The following EGF variants were observed in gnomAD, a reference collection of about 807,000 sequenced individuals.
EGF encodes epidermal growth factor, also known as pro-epidermal growth factor.
In EGF, 95 loss-of-function variants were observed where a neutral mutation model predicts 143.8. The ratio of observed to expected loss-of-function variants is 0.66; its 90% CI spans 0.56 to 0.78. The LOEUF (loss-of-function observed/expected upper bound fraction) is 0.78, where lower values mean the gene tolerates loss of function less well. Ranked by LOEUF, EGF falls within the 30% of genes least tolerant of loss-of-function variation. The probability of loss-of-function intolerance (pLI) is 0.00; values close to 1 mark genes in which losing one functional copy is unlikely to be tolerated. For missense variants in EGF, 1,320 were observed against 1,470.9 expected, an observed-to-expected ratio of 0.90 and a Z score of 1.68; for synonymous variants, 510 against 510.5, an observed-to-expected ratio of 1.00 and a Z score of 0.01.
chr4:109,952,621 T>C (rs1744128385), intron 5 of EGF, among the ~76,000 whole-genome samples: 1 of 152,224 alleles, frequency 6.6e-6, no homozygotes, highest in South Asian at 2.1e-4. Flanking sequence ...AAATTATTAG[T>C]TTAAACACAT....
intron 22 of EGF, among the ~76,000 whole-genome samples, chr4:110,006,502 C>T (rs993090532): frequency 6.6e-5 from 10 of 152,208 alleles, no homozygotes; most frequent in Non-Finnish European, 1.5e-5. Context: ...CTTTATCAGT[C>T]TTTATCAATT....
chr4:109,927,155 G>C (rs756277623), intron 1 of EGF, among the ~76,000 whole-genome samples: 5 of 152,090 alleles, frequency 3.3e-5, no homozygotes, highest in Non-Finnish European at 7.4e-5. Flanking sequence ...AATAATCGAG[G>C]GATGTAATTA....
chr4:109,980,783 C>A, intron 14 of EGF, 43 bp from the exon 15 acceptor site: 1 of 1,613,140 alleles, frequency 6.2e-7, no homozygotes, highest in Non-Finnish European at 8.5e-7. Flanking sequence ...GCATCCTTTT[C>A]ATCTTCAAAC....
At chr4:109,994,031 G>GTTTTT (rs369137893) in intron 19 of EGF, among the ~76,000 whole-genome samples, 38 of 140,780 alleles carry the variant, frequency 2.7e-4, no homozygotes, top group African/African-American at 9.8e-4. Context: ...CTTGGTCTCT[G>GTTTTT]TTTTTTTTTT....
At chr4:109,937,782 G>T (rs748170095) in intron 1 of EGF, among the ~76,000 whole-genome samples, 25 of 152,268 alleles carry the variant, frequency 1.6e-4, no homozygotes, top group African/African-American at 4.8e-4. Flanking sequence ...AGCTTAGTTT[G>T]TCTGGATATG....
intron 11 of EGF, among the ~76,000 whole-genome samples, chr4:109,970,005 G>A (rs1413001445): frequency 4.6e-5 from 7 of 152,152 alleles, no homozygotes; most frequent in Admixed American, 2.0e-4. Context: ...AAGCATGAAG[G>A]AGGGAGGAGA....
intron 18 of EGF, among the ~76,000 whole-genome samples, chr4:109,990,076 A>C (rs899650583): frequency 6.6e-6 from 1 of 152,178 alleles, no homozygotes; most frequent in Non-Finnish European, 1.5e-5. Context: ...TGCTTTGGAA[A>C]AGCTCTCTCT....
chr4:109,944,115 T>A (rs10470911), intron 4 of EGF, 46 bp downstream of exon 4: 1 of 1,558,084 alleles, frequency 6.4e-7, no homozygotes, highest in South Asian at 1.1e-5. Context: ...TCATTTGAAG[T>A]CCACAAGATA....
intron 20 of EGF, 90 bp from the exon 21 acceptor site, chr4:109,999,589 A>T: frequency 6.6e-7 from 1 of 1,518,810 alleles, no homozygotes; most frequent in African/African-American, 1.4e-5. Context: ...GGAAATGCAG[A>T]GGTTGAGAGA....
chr4:109,922,429 T>C (rs1737965053), intron 1 of EGF, among the ~76,000 whole-genome samples: 1 of 151,748 alleles, frequency 6.6e-6, no homozygotes, highest in African/African-American at 2.4e-5. Context: ...CATGTTGTCT[T>C]CTGAGACAGG....
chr4:110,006,546 A>C (rs1413120885), intron 22 of EGF, among the ~76,000 whole-genome samples: 1 of 152,150 alleles, frequency 6.6e-6, no homozygotes, highest in Non-Finnish European at 1.5e-5. Context: ...TAAGCTCTAG[A>C]ATGTGTTGGT....
intron 5 of EGF, among the ~76,000 whole-genome samples, chr4:109,956,565 T>G (rs1346161861): frequency 1.3e-5 from 2 of 152,220 alleles, no homozygotes; most frequent in East Asian, 3.8e-4. Flanking sequence ...CTAATTTTAG[T>G]CATTTACTTT....
At chr4:109,974,104 G>C (rs1226570183) in intron 11 of EGF, among the ~76,000 whole-genome samples, 1 of 152,182 alleles carries the variant, frequency 6.6e-6, no homozygotes, top group Non-Finnish European at 1.5e-5. Flanking sequence ...ATCTAGAGAT[G>C]ATTTAAAGTG....
intron 2 of EGF, 47 bp downstream of exon 2, chr4:109,941,192 G>A: frequency 6.5e-7 from 1 of 1,533,510 alleles, no homozygotes; most frequent in Non-Finnish European, 9.0e-7. Flanking sequence ...TGTACAGGCT[G>A]ACAAATATAA....
At chr4:109,972,974 G>A (rs558702925) in intron 11 of EGF, among the ~76,000 whole-genome samples, 3 of 152,318 alleles carry the variant, frequency 2.0e-5, no homozygotes, top group Admixed American at 2.0e-4. Flanking sequence ...TCAAGAGCAA[G>A]GTGAGAGGCC....
In EGF at chr4:109,927,593, G is replaced by A. The variant is rs554576640; in HGVS notation, c.128-13353G>A. The stretch of plus-strand genomic sequence containing the variant: ...CAAAAAATTAGTTGGGCGTGGTGGC[G>A]GGCGCTTGTGGTCCCAGCTACTCGG... On this transcript the variant is annotated intron_variant, in intron 1 of 23. Coordinates refer to ENST00000265171, the MANE Select transcript of EGF (RefSeq NM_001963.6). 7.2e-5 allele frequency among the ~76,000 whole-genome samples: 11 copies of A among 151,888 alleles called. No homozygotes were observed. The East Asian group carries it at 1.2e-3, about 16-fold the overall frequency.
At chr4:109,999,625 A>C in intron 20 of EGF, 54 bp from the exon 21 acceptor site, 1 of 1,610,336 alleles carries the variant, frequency 6.2e-7, no homozygotes, top group Non-Finnish European at 8.5e-7. Flanking sequence ...TGTCAAAACT[A>C]TCAGCGTTTT....
rs962299408 is a variant in EGF, at chr4:109,959,419, G to A, written c.1048G>A (p.Asp350Asn). Residue 350 changes from aspartate (D) to asparagine (N), a missense_variant, in exon 6 of 24, where the codon GAC (aspartate) becomes AAC (asparagine). By Grantham distance (23) the Asp-to-Asn change is conservative. Around this residue, in one of 5 missense-constraint regions of EGF, gnomAD observed 1,186 missense variants for 1,313.7 expected, o/e 0.90. Coordinates refer to ENST00000265171, the MANE Select transcript of EGF (RefSeq NM_001963.6). Reference sequence around the variant, plus strand: ...TGCAGAGGGATACGCCCTAAGTCGAGACCGGAAGTACTGTGAAGGTAATGA... The same window carrying A: ...TGCAGAGGGATACGCCCTAAGTCGAAACCGGAAGTACTGTGAAGGTAATGA... ...MCAEGYALSRDRKYCEDVNEC... is the reference protein window; with the variant it reads ...MCAEGYALSRNRKYCEDVNEC... The A allele has an allele frequency of 6.2e-7, 1 of 1,613,948 alleles. No individual in the cohort carries two copies. Among genetic ancestry groups the A allele is most frequent in the South Asian group, 1.1e-5 (1 of 91,082 alleles).
Position 109,944,035 on chromosome 4 carries a change from G to T in EGF, c.703G>T (p.Gly235Ter), listed in dbSNP as rs1742381712. 6.2e-7 allele frequency: 1 copy of T among 1,614,036 alleles called. No individual in the cohort carries two copies. Among genetic ancestry groups the T allele is most frequent in the Non-Finnish European group, 8.5e-7 (1 of 1,180,030 alleles). Residue 235 changes from glycine to a stop codon, truncating the protein, a stop_gained, in exon 4 of 24, where the codon GGA becomes TGA. Coordinates refer to ENST00000265171, the MANE Select transcript of EGF (RefSeq NM_001963.6). LOFTEE classifies it high-confidence loss of function. ...TCTTATTTGCTCCTGTGATTATGAT[G>T]GAGGTTCTGTCCACATTAGTAAACA... The part of the protein sequence containing the change: ...NSLICSCDYD[G>*]GSVHISKHPT...
Sources: allele counts gnomAD v4.1 joint callset (sites outside exome capture counted in the v4.1 genomes callset), GRCh38; gene constraint gnomAD v4.1.1; regional missense constraint gnomAD v4.1.1; transcripts MANE v1.5; gene names NCBI Gene and HGNC (gene_info 2026-07-23, HGNC 2026-07-21).